DKK3: variants seen among roughly 807,000 people sequenced by gnomAD.
DKK3 encodes dickkopf-related protein 3.
DKK3 carries 22 observed loss-of-function variants against 33.2 expected under a neutral mutation model. The observed-to-expected ratio is 0.66, with a 90% CI of 0.47 to 0.95. The LOEUF (loss-of-function observed/expected upper bound fraction) is 0.95. Among genes scored for constraint, DKK3 ranks in the 40% least tolerant of loss-of-function variants. DKK3 has a pLI of 0.00. For missense variants in DKK3, 398 were observed against 458.4 expected, an observed-to-expected ratio of 0.87 and a Z score of 1.20; for synonymous variants, 194 against 188.8, an observed-to-expected ratio of 1.03 and a Z score of -0.23.
intron 3 of DKK3, among the ~76,000 whole-genome samples, chr11:11,969,941 C>T (rs1175885443): frequency 2.6e-5 from 4 of 152,194 alleles, no homozygotes; most frequent in South Asian, 2.1e-4. Context: ...GTAGGGTGAA[C>T]GGCCGCCCAA....
rs1848573402 is a variant in DKK3, at chr11:12,008,012, T to C, written c.213+358A>G. Among the ~76,000 whole-genome samples the C allele has an allele frequency of 6.6e-6, 1 of 152,258 alleles. No individual in the cohort carries two copies. The highest frequency in any genetic ancestry group is 1.9e-4 in the East Asian group (1 of 5,174). ...GCCTGGAGCTTGTCCCGGGTTTCTG[T>C]GAAACCACAGTGCTGGAATACCAGG... On this transcript the variant is annotated intron_variant, in intron 1 of 6. Coordinates refer to ENST00000683431, the MANE Select transcript of DKK3 (RefSeq NM_001018057.2). The surrounding 1 kb of genome is among the most constrained non-coding windows in gnomAD (Gnocchi z 4.6).
chr11:12,008,831 A>AC, upstream of DKK3: 2 of 1,158,024 alleles, frequency 1.7e-6, no homozygotes, highest in Non-Finnish European at 2.1e-6. The surrounding 1 kb of genome is among the most constrained non-coding windows in gnomAD (Gnocchi z 4.6). Flanking sequence ...AGGACCCCGC[A>AC]CCCCCATCCT....
chr11:11,977,353 C>T (rs1387434567), intron 3 of DKK3, among the ~76,000 whole-genome samples: 6 of 152,054 alleles, frequency 3.9e-5, no homozygotes, highest in East Asian at 1.9e-4. Context: ...CTCTCTTTGT[C>T]GGTCCCTGGA....
At chr11:12,009,385 C>A (rs961911497), upstream of DKK3, 256 of 974,750 alleles carry the variant, frequency 2.6e-4, 1 homozygote, top group African/African-American at 4.3e-3. Context: ...CCCCGAGCCC[C>A]GCCCGCCCAC....
intron 3 of DKK3, among the ~76,000 whole-genome samples, chr11:11,988,293 TG>T (rs1485530377): frequency 2.6e-5 from 4 of 152,234 alleles, no homozygotes; most frequent in Non-Finnish European, 5.9e-5. Context: ...CATAGTCTGC[TG>T]GGGATGTGAC....
chr11:12,004,626 G>A lies in DKK3; in HGVS notation c.214-2189C>T, dbSNP rs184933526. ...CCACAAAGTAGCTGTATGACTTTAGGCAAGATACCAAATCCCACTAAACCT... is the reference window on the plus strand; with the variant it reads ...CCACAAAGTAGCTGTATGACTTTAGACAAGATACCAAATCCCACTAAACCT... On this transcript the variant is annotated intron_variant, in intron 1 of 6. Coordinates refer to ENST00000683431, the MANE Select transcript of DKK3 (RefSeq NM_001018057.2). Among the ~76,000 whole-genome samples, 11 of 152,286 alleles carry A rather than the reference G, an allele frequency of 7.2e-5. No individual in the cohort carries two copies. The East Asian group carries it at 1.9e-3, about 27-fold the overall frequency.
At chr11:11,988,217 C>G (rs117083529) in intron 3 of DKK3, among the ~76,000 whole-genome samples, 38 of 152,270 alleles carry the variant, frequency 2.5e-4, no homozygotes, top group African/African-American at 8.9e-4. Flanking sequence ...ATGAAACTGA[C>G]AGTAGACAGA....
intron 3 of DKK3, among the ~76,000 whole-genome samples, chr11:11,971,055 A>C (rs987097399): frequency 1.3e-5 from 2 of 150,290 alleles, no homozygotes; most frequent in Non-Finnish European, 3.0e-5. Flanking sequence ...TTTGCAGGCA[A>C]TCCATCAGCA....
intron 3 of DKK3, among the ~76,000 whole-genome samples, chr11:11,970,948 C>A (rs1333781713): frequency 1.3e-5 from 2 of 151,460 alleles, no homozygotes; most frequent in African/African-American, 4.8e-5. Flanking sequence ...GTTACAGCAT[C>A]AATAGGAAAC....
At position 11,964,733 on chromosome 11, in the gene DKK3, C is replaced by G. The variant is rs547603749; in HGVS notation, c.831-47G>C. ...CCAGGCTCTAAACGTGGGAGCCTGC[C>G]CAGGCCGAAAGCTAAGGCGCCCTGA... On this transcript the variant is annotated intron_variant, in intron 6 of 6. Coordinates refer to ENST00000683431, the MANE Select transcript of DKK3 (RefSeq NM_001018057.2). The G allele has an allele frequency of 3.8e-6, 6 of 1,580,072 alleles. No individual in the cohort carries two copies. The African/African-American group carries it at 8.1e-5, about 21-fold the overall frequency.
At chr11:11,978,514 C>CT (rs984443117) in intron 3 of DKK3, among the ~76,000 whole-genome samples, 4 of 138,750 alleles carry the variant, frequency 2.9e-5, no homozygotes, top group Non-Finnish European at 4.7e-5. Context: ...CTTCTTTCTT[C>CT]TTTTTTTTAT....
In DKK3 at chr11:12,008,362, G is replaced by A. The variant is rs755073854; in HGVS notation, c.213+8C>T. The stretch of plus-strand genomic sequence containing the variant: ...TCTCAGAGCCCCGCGCCGCCAGGGC[G>A]CACCCACCTCTTCCACCGCGCTGCG... On this transcript the variant is annotated splice_region_variant and intron_variant, in intron 1 of 6. Transcript: ENST00000683431. The surrounding 1 kb of genome is among the most constrained non-coding windows in gnomAD (Gnocchi z 4.6). The A allele has an allele frequency of 4.4e-6, 7 of 1,600,874 alleles. No homozygotes were observed. The highest frequency in any genetic ancestry group is 2.2e-5 in the East Asian group (1 of 44,530).
chr11:11,980,815 G>C (rs1185924603), intron 3 of DKK3, among the ~76,000 whole-genome samples: 1 of 152,190 alleles, frequency 6.6e-6, no homozygotes, highest in African/African-American at 2.4e-5. Flanking sequence ...GCAAGATTCA[G>C]ATGGGAGGGC....
chr11:11,974,459 T>C (rs1753791182), intron 3 of DKK3, among the ~76,000 whole-genome samples: 1 of 152,112 alleles, frequency 6.6e-6, no homozygotes, highest in South Asian at 2.1e-4. Context: ...CAGCATCTGG[T>C]GAGGGCCTTC....
intron 3 of DKK3, among the ~76,000 whole-genome samples, chr11:11,969,444 G>C (rs2134998291): frequency 6.6e-6 from 1 of 152,264 alleles, no homozygotes; most frequent in South Asian, 2.1e-4. Context: ...TCTCTATATT[G>C]CCAGCCGGGA....
intron 3 of DKK3, 71 bp from the exon 4 acceptor site, chr11:11,968,558 G>C (rs1016557622): frequency 1.5e-5 from 22 of 1,448,886 alleles, no homozygotes; most frequent in African/African-American, 2.8e-5. Flanking sequence ...CCCAGGAAGG[G>C]CCAGGCCCGC....
chr11:12,006,193 G>C (rs547951004), intron 1 of DKK3, among the ~76,000 whole-genome samples: 29 of 152,262 alleles, frequency 1.9e-4, no homozygotes, highest in African/African-American at 7.0e-4. Flanking sequence ...AGAATTAAGA[G>C]ACATTGGGGC....
chr11:11,964,523 T>A lies in DKK3; in HGVS notation c.994A>T (p.Met332Leu). The change falls in exon 7 of 7, where the codon ATG (methionine) becomes TTG (leucine). Residue 332 changes from methionine to leucine, a missense_variant. Met to Leu is a conservative substitution (Grantham distance 15, BLOSUM62 2). Transcript: ENST00000683431. ...GCAGCCGCAGGCTCCCTCAGCGCCATCTCTTCAGTCAGGCTCCTCTCCAGG... is the reference window on the plus strand; with the variant it reads ...GCAGCCGCAGGCTCCCTCAGCGCCAACTCTTCAGTCAGGCTCCTCTCCAGG... ...EDLERSLTEE[M>L]ALREPAAAAA... The A allele has an allele frequency of 1.2e-6, 2 of 1,614,000 alleles. No homozygotes were observed. Among genetic ancestry groups the A allele is most frequent in the Non-Finnish European group, 1.7e-6 (2 of 1,180,008 alleles).
chr11:11,988,773 A>G (rs1403568103), intron 3 of DKK3, among the ~76,000 whole-genome samples: 2 of 152,202 alleles, frequency 1.3e-5, no homozygotes, highest in African/African-American at 2.4e-5. Context: ...GATCCCCACA[A>G]TCTCCACGAT....
Sources: gnomAD v4.1 joint callset for allele counts (sites outside exome capture counted in the v4.1 genomes callset) on GRCh38, gnomAD v4.1.1 for gene constraint, Gnocchi (gnomAD v3.1) non-coding constraint, MANE v1.5 for transcripts, NCBI Gene and HGNC (gene_info 2026-07-23, HGNC 2026-07-21) for gene names.